Variants in DNAH17 observed in about 807,000 individuals in gnomAD.
DNAH17 encodes axonemal beta dynein heavy chain 17.
Under a neutral mutation model 485.6 loss-of-function variants are expected in DNAH17, and 376 were observed. The observed-to-expected ratio is 0.77, with a 90% CI of 0.71 to 0.84. The LOEUF is 0.84. DNAH17 is among the 40% of genes least tolerant of loss of function. DNAH17 has a pLI of 0.00. For synonymous variants in DNAH17, 3,031 were observed against 2,405.9 expected, an observed-to-expected ratio of 1.26 and a Z score of -7.60; for missense variants, 6,370 against 5,839.3, an observed-to-expected ratio of 1.09 and a Z score of -2.96.
intron 50 of DNAH17, 131 bp from the exon 51 acceptor site, chr17:78,479,247 G>C: frequency 9.5e-7 from 1 of 1,050,622 alleles, no homozygotes; most frequent in Non-Finnish European, 1.4e-6. Context: ...ACAGCTCTTT[G>C]AAGTGGGAGG....
At chr17:78,520,686 T>C (rs543756273) in intron 25 of DNAH17, among the ~76,000 whole-genome samples, 16 of 151,938 alleles carry the variant, frequency 1.1e-4, no homozygotes, top group South Asian at 4.2e-4. Context: ...ATGTATAGGA[T>C]CTTAAATGCT....
chr17:78,530,171 C>T (rs777492394), intron 21 of DNAH17, among the ~76,000 whole-genome samples, 172 bp downstream of exon 21: 1 of 152,234 alleles, frequency 6.6e-6, no homozygotes, highest in South Asian at 2.1e-4. Flanking sequence ...GCTCGCAGCC[C>T]GGTGACACCT....
At chr17:78,491,626 C>T (rs2089862692) in intron 42 of DNAH17, 56 bp from the exon 43 acceptor site, 1 of 1,576,934 alleles carries the variant, frequency 6.3e-7, no homozygotes, top group African/African-American at 1.3e-5. Context: ...CATTCCAGTC[C>T]CCACCAGTCC....
rs761312084 is a variant in DNAH17 at position 78,537,280 on chromosome 17, A to G, written c.2859+19T>C. ...GCAATGGATGACCCTGTGTACGGCC[A>G]GAAGAGGCCAGGACTGACCTTGTAG... On this transcript the variant is annotated intron_variant, in intron 19 of 80. Coordinates refer to ENST00000389840, the MANE Select transcript of DNAH17 (RefSeq NM_173628.4). 18 of 1,551,244 alleles carry G rather than the reference A, an allele frequency of 1.2e-5. No individual in the cohort carries two copies. The highest frequency in any genetic ancestry group is 1.5e-5 in the Non-Finnish European group (17 of 1,146,498).
intron 9 of DNAH17, among the ~76,000 whole-genome samples, chr17:78,568,204 T>C (rs963203796): frequency 6.6e-6 from 1 of 152,168 alleles, no homozygotes; most frequent in Admixed American, 6.5e-5. Context: ...GAATCAGTCA[T>C]GTGGGAACCA....
chr17:78,450,177 G>A, intron 68 of DNAH17, 77 bp downstream of exon 68: 1 of 1,554,766 alleles, frequency 6.4e-7, no homozygotes, highest in East Asian at 2.3e-5. Context: ...ATGGCTGTGT[G>A]GGCAACAGGC....
Position 78,476,689 on chromosome 17 carries a change from G to A in DNAH17, c.8037C>T (p.Asp2679=), listed in dbSNP as rs771537194. Residue 2679 remains aspartate, a synonymous_variant, in exon 52 of 81, where the codon GAC becomes GAT. Transcript: ENST00000389840. ...TCTCATGTAGCCAAAGGCGGACGAG[G>A]TCCAGTGGGGTTTTCAGAACTTCTG... ...STAEVLKTPL[D]LVRLWLHETE... is the part of the protein sequence containing the mutation. 4 of 1,613,000 alleles carry A rather than the reference G, an allele frequency of 2.5e-6. No individual in the cohort carries two copies. The highest frequency in any genetic ancestry group is 3.4e-6 in the Non-Finnish European group (4 of 1,179,500).
intron 31 of DNAH17, 126 bp from the exon 32 acceptor site, chr17:78,503,137 AAGGATTTTAC>A (rs1046944669): frequency 8.1e-5 from 90 of 1,110,950 alleles, no homozygotes; most frequent in Non-Finnish European, 1.0e-4. Flanking sequence ...CAGACAGGTC[AAGGATTTTAC>A]AGAGCAGTAA....
In DNAH17 at chr17:78,495,047, A is replaced by G. The variant is rs769969105; in HGVS notation, c.5954T>C (p.Leu1985Pro). 2.5e-6 allele frequency: 4 copies of G among 1,611,440 alleles called. No individual in the cohort carries two copies. The highest frequency in any genetic ancestry group is 3.4e-6 in the Non-Finnish European group (4 of 1,178,902). Residue 1985 changes from leucine (L) to proline (P), a missense_variant, in exon 39 of 81, where the codon CTC (leucine) becomes CCC (proline). Physicochemically the swap from Leu to Pro is moderately conservative, Grantham distance 98. Coordinates refer to ENST00000389840, the MANE Select transcript of DNAH17 (RefSeq NM_173628.4). ...GGCTTCCAGAAAGCCCTCGGCCATG[A>G]GCATGATCTCACATATCAGTTCGAA... The part of the protein sequence containing the change: ...PDFELICEIM[L>P]MAEGFLEARL...
intron 71 of DNAH17, among the ~76,000 whole-genome samples, chr17:78,441,905 C>G (rs1407710395): frequency 6.6e-6 from 1 of 151,994 alleles, no homozygotes; most frequent in Non-Finnish European, 1.5e-5. Flanking sequence ...ACCAACATGA[C>G]AAAACCCTCT....
chr17:78,426,322 C>T, intron 79 of DNAH17, 135 bp downstream of exon 79: 2 of 1,138,526 alleles, frequency 1.8e-6, no homozygotes, highest in Non-Finnish European at 2.4e-6. Flanking sequence ...GCCCTTCTGG[C>T]CCTGATCTGA....
chr17:78,506,156 T>TA (rs1455294473), intron 30 of DNAH17, among the ~76,000 whole-genome samples: 3 of 149,220 alleles, frequency 2.0e-5, no homozygotes, highest in African/African-American at 7.4e-5. Flanking sequence ...TTTTTTTTTT[T>TA]TTGAGACAGA....
At chr17:78,477,726 G>C (rs1219461138) in intron 51 of DNAH17, among the ~76,000 whole-genome samples, 3 of 152,142 alleles carry the variant, frequency 2.0e-5, no homozygotes, top group Non-Finnish European at 4.4e-5. Context: ...GCCTCCCTCA[G>C]CCACAAACTC....
rs147263705 is a variant in DNAH17 at position 78,429,089 on chromosome 17, C to T, written c.12405+32G>A. 1,480 of 1,602,486 alleles carry T rather than the reference C, an allele frequency of 9.2e-4. 10 individuals carry two copies. The African/African-American group carries it at 0.017, about 18-fold the overall frequency. On this transcript the variant is annotated intron_variant, in intron 76 of 80. Coordinates refer to ENST00000389840, the MANE Select transcript of DNAH17 (RefSeq NM_173628.4). ...CACCGGGAGGCACGAGCCTTCATTA[C>T]GTTGAGCTCCTGTTTAACTTGTCAT...
intron 48 of DNAH17, among the ~76,000 whole-genome samples, chr17:78,481,323 TTGATCTC>T (rs2089341724): frequency 6.6e-6 from 1 of 151,948 alleles, no homozygotes; most frequent in South Asian, 2.1e-4. Context: ...CAGGATGGTC[TTGATCTC>T]CTGACCTTGT....
At chr17:78,520,683 G>A (rs1488492435) in intron 25 of DNAH17, among the ~76,000 whole-genome samples, 3 of 151,952 alleles carry the variant, frequency 2.0e-5, no homozygotes, top group Non-Finnish European at 2.9e-5. Context: ...AACATGTATA[G>A]GATCTTAAAT....
chr17:78,464,646 C>T (rs1020794014), intron 56 of DNAH17, among the ~76,000 whole-genome samples: 1 of 152,208 alleles, frequency 6.6e-6, no homozygotes, highest in East Asian at 1.9e-4. Flanking sequence ...ATGGTGTGTG[C>T]CCTTGTGTAT....
Position 78,552,719 on chromosome 17 carries a change from C to A in DNAH17, c.2265G>T (p.Thr755=). ...TACCTTCGCCATTCCAGAATAATGT[C>A]GTTTCAGCGCTCAATAACTTGACAT... ...AIDVKLLSAE[T]TLFWNGEGVF... Residue 755 remains threonine (T), a synonymous_variant, in exon 15 of 81, where the codon ACG becomes ACT. Coordinates refer to ENST00000389840, the MANE Select transcript of DNAH17 (RefSeq NM_173628.4). 1.2e-6 allele frequency: 2 copies of A among 1,613,792 alleles called. No individual in the cohort carries two copies. Among genetic ancestry groups the A allele is most frequent in the South Asian group, 2.2e-5 (2 of 91,050 alleles).
At chr17:78,475,082 C>T (rs1568111390) in intron 54 of DNAH17, among the ~76,000 whole-genome samples, 196 bp downstream of exon 54, 1 of 152,208 alleles carries the variant, frequency 6.6e-6, no homozygotes, top group African/African-American at 2.4e-5. Flanking sequence ...CTCTTCACCT[C>T]AGTCACACGG....
Sources: allele counts gnomAD v4.1 joint callset (sites outside exome capture counted in the v4.1 genomes callset), GRCh38; gene constraint gnomAD v4.1.1; transcripts MANE v1.5; gene names NCBI Gene and HGNC (gene_info 2026-07-23, HGNC 2026-07-21).